ELMO3: variants seen among roughly 807,000 people sequenced by gnomAD.
ELMO3 encodes the protein engulfment and cell motility 3.
ELMO3 carries 81 observed loss-of-function variants against 89.0 expected under a neutral mutation model. That is an observed-to-expected ratio of 0.91 (90% CI 0.76 to 1.09). ELMO3 has a LOEUF of 1.09. Among genes scored for constraint, ELMO3 ranks in the 50% least tolerant of loss-of-function variants. The probability of loss-of-function intolerance (pLI) is 0.00; values close to 1 mark genes in which losing one functional copy is unlikely to be tolerated. For synonymous variants in ELMO3, 406 were observed against 400.6 expected, an observed-to-expected ratio of 1.01 and a Z score of -0.16; for missense variants, 959 against 972.8, an observed-to-expected ratio of 0.99 and a Z score of 0.19.
Position 67,200,708 on chromosome 16 carries a change from G to T in ELMO3, c.565G>T (p.Ala189Ser), listed in dbSNP as rs749487251. ...CATGGATGCCTCCGTGCCTCCCCTG[G>T]CCCTTGGGCTGCTGGAGAGTGTGAC... Reference protein sequence around the residue: ...NLMDASVPPLALGLLESVTLS... With the variant: ...NLMDASVPPLSLGLLESVTLS... Residue 189 changes from alanine to serine, a missense_variant, in exon 7 of 20, where the codon GCC becomes TCC. Transcript: ENST00000393997. 6.2e-7 allele frequency: 1 copy of T among 1,613,488 alleles called. No individual in the cohort carries two copies. Among genetic ancestry groups the T allele is most frequent in the South Asian group, 1.1e-5 (1 of 91,084 alleles).
rs770450376 is a variant in ELMO3 at position 67,201,749 on chromosome 16, G to T, written c.926G>T (p.Arg309Leu). The change falls in exon 11 of 20, where the codon CGG (arginine) becomes CTG (leucine). Residue 309 changes from arginine (R) to leucine (L), a missense_variant. Transcript: ENST00000393997. ...TPLDPYSQEQREQLQVLRQAA... is the reference protein window; with the variant it reads ...TPLDPYSQEQLEQLQVLRQAA... ...ACCCAACACTGACCCCAGGAGCAGCGGGAGCAGCTGCAGGTCCTACGCCAG... is the reference window on the plus strand; with the variant it reads ...ACCCAACACTGACCCCAGGAGCAGCTGGAGCAGCTGCAGGTCCTACGCCAG... 18 of 1,610,236 alleles carry T rather than the reference G, an allele frequency of 1.1e-5. No individual in the cohort carries two copies. In the Admixed American group the frequency reaches 3.0e-4, roughly 27 times the overall value.
rs747562363 is a variant in ELMO3 at position 67,199,587 on chromosome 16, G to A, written c.113G>A (p.Cys38Tyr). Residue 38 changes from cysteine to tyrosine, a missense_variant, in exon 2 of 20, where the codon TGC (cysteine) becomes TAC (tyrosine). By Grantham distance (194) the Cys-to-Tyr change is radical. Coordinates refer to ENST00000393997, the MANE Select transcript of ELMO3 (RefSeq NM_024712.5). Reference sequence around the variant, plus strand: ...CTGGCCGCTGTGCTGAAGGAGGTGTGCGACGCGTGAGTGCTGCCGGGCCAG... The same window carrying A: ...CTGGCCGCTGTGCTGAAGGAGGTGTACGACGCGTGAGTGCTGCCGGGCCAG... The part of the protein sequence containing the change: ...KPLAAVLKEV[C>Y]DAWSLTHSER... The A allele has an allele frequency of 6.9e-5, 111 of 1,609,420 alleles. No homozygotes were observed. The highest frequency in any genetic ancestry group is 8.5e-5 in the Non-Finnish European group (100 of 1,179,368).
chr16:67,199,619 C>T, intron 2 of ELMO3, 26 bp downstream of exon 2: 2 of 1,608,264 alleles, frequency 1.2e-6, no homozygotes, highest in Non-Finnish European at 8.5e-7. Flanking sequence ...CCAGGGCCTG[C>T]GGAGGGCGGG....
At chr16:67,200,391 G>A in intron 5 of ELMO3, 30 bp downstream of exon 5, 1 of 1,612,214 alleles carries the variant, frequency 6.2e-7, no homozygotes, top group Non-Finnish European at 8.5e-7. Flanking sequence ...GGCTGGGGGA[G>A]ATGGTGGGTC....
rs746727284 is a variant in ELMO3, at chr16:67,203,607, CGGCAGGTGGGCAGGGGA to C, written c.1950+30_1951-36del. ...AGGTGAGTGTCCGCCAGGCTGAGGT[CGGCAGGTGGGCAGGGGA>C]GGCAGATGGGCAGACCCTCACGGCT... On this transcript the variant is annotated intron_variant, in intron 19 of 19. Coordinates refer to ENST00000393997, the MANE Select transcript of ELMO3 (RefSeq NM_024712.5). This position sits in a 1 kb window ranked among gnomAD's most constrained non-coding sequence, Gnocchi z 4.6. The C allele has an allele frequency of 6.2e-7, 1 of 1,613,948 alleles. No homozygotes were observed. The highest frequency in any genetic ancestry group is 8.5e-7 in the Non-Finnish European group (1 of 1,179,968).
Position 67,199,980 on chromosome 16 carries a change from C to CCTGT in ELMO3, c.223_226dup (p.Cys76SerfsTer10). On this transcript the variant is annotated frameshift_variant, in exon 4 of 20. Transcript: ENST00000393997. LOFTEE classifies it high-confidence loss of function. The stretch of plus-strand genomic sequence containing the variant: ...GCGCGGAGATCAAGAATGGCAGCAT[C>CCTGT]CTGTGCCTCAGCACGGCCCCAGTAA... 3.1e-6 allele frequency: 5 copies of CCTGT among 1,613,772 alleles called. No homozygotes were observed. Among genetic ancestry groups the CCTGT allele is most frequent in the Non-Finnish European group, 2.5e-6 (3 of 1,180,046 alleles).
At position 67,201,454 on chromosome 16, in the gene ELMO3, G is replaced by T. The variant is rs746179145; in HGVS notation, c.795+19G>T. Reference sequence around the variant, plus strand: ...CTATAAGGTAGGAAGTGGTGGGCCAGGGGGACCTCTCTGCCCCTCCCTCCC... The same window carrying T: ...CTATAAGGTAGGAAGTGGTGGGCCATGGGGACCTCTCTGCCCCTCCCTCCC... On this transcript the variant is annotated intron_variant, in intron 9 of 19. Coordinates refer to ENST00000393997, the MANE Select transcript of ELMO3 (RefSeq NM_024712.5). 3 of 1,614,006 alleles carry T rather than the reference G, an allele frequency of 1.9e-6. No individual in the cohort carries two copies. In the Admixed American group the frequency reaches 5.0e-5, roughly 27 times the overall value.
At position 67,202,801 on chromosome 16, in the gene ELMO3, G is replaced by C. The variant is rs1372630954; in HGVS notation, c.1562+11G>C. Reference sequence around the variant, plus strand: ...GGCTCCCCCTATACTGTGAGTCTGGGGGGATGGATCCTCAGTCCTAGCCCT... The same window carrying C: ...GGCTCCCCCTATACTGTGAGTCTGGCGGGATGGATCCTCAGTCCTAGCCCT... On this transcript the variant is annotated intron_variant, in intron 15 of 19. Transcript: ENST00000393997. 1.2e-6 allele frequency: 2 copies of C among 1,612,700 alleles called. No homozygotes were observed. Among genetic ancestry groups the C allele is most frequent in the African/African-American group, 2.7e-5 (2 of 74,904 alleles).
At chr16:67,202,864 G>C (rs772477571) in intron 15 of ELMO3, 28 bp from the exon 16 acceptor site, 27 of 1,613,090 alleles carry the variant, frequency 1.7e-5, no homozygotes, top group Middle Eastern at 1.6e-4. Flanking sequence ...CCCCAGGTCA[G>C]ATGTGCTCAG....
Position 67,203,794 on chromosome 16 carries a change from C to G in ELMO3, c.2080C>G (p.Pro694Ala). The G allele has an allele frequency of 7.4e-6, 12 of 1,612,452 alleles. No individual in the cohort carries two copies. Among genetic ancestry groups the G allele is most frequent in the Non-Finnish European group, 9.3e-6 (11 of 1,179,740 alleles). ...KLRLLELENV[P>A]IPERPPPVPP... The stretch of plus-strand genomic sequence containing the variant: ...GCGTCTGCTGGAGCTGGAGAACGTG[C>G]CCATCCCCGAGCGGCCACCCCCTGT... Residue 694 changes from proline (P) to alanine (A), a missense_variant, in exon 20 of 20, where the codon CCC (proline) becomes GCC (alanine). Pro to Ala is a conservative substitution (Grantham distance 27). Coordinates refer to ENST00000393997, the MANE Select transcript of ELMO3 (RefSeq NM_024712.5). This position sits in a 1 kb window ranked among gnomAD's most constrained non-coding sequence, Gnocchi z 4.6.
chr16:67,199,215 AG>A lies in ELMO3; in HGVS notation c.-110del, dbSNP rs1454882163. Reference sequence around the variant, plus strand: ...GCCGCGAGTGCGGGACACCGAGGTCAGGTCTCGGAAAGGGAGGACCTCCTCG... The same window carrying A: ...GCCGCGAGTGCGGGACACCGAGGTCAGTCTCGGAAAGGGAGGACCTCCTCG... On this transcript the variant is annotated 5_prime_UTR_variant, in exon 1 of 20. Transcript: ENST00000393997. 4.3e-6 allele frequency: 7 copies of A among 1,611,172 alleles called. No individual in the cohort carries two copies. The highest frequency in any genetic ancestry group is 1.3e-5 in the African/African-American group (1 of 74,898).
At position 67,203,295 on chromosome 16, in the gene ELMO3, C is replaced by T. The variant is rs1014324138; in HGVS notation, c.1781-32C>T. 1.9e-6 allele frequency: 3 copies of T among 1,589,354 alleles called. No homozygotes were observed. Among genetic ancestry groups the T allele is most frequent in the Non-Finnish European group, 2.6e-6 (3 of 1,171,644 alleles). The stretch of plus-strand genomic sequence containing the variant: ...GCCCTGGGCCCCGGGGCTGCCAGGG[C>T]TGCAGTGCTCAGCCCAGCCTTCTTC... On this transcript the variant is annotated intron_variant, in intron 17 of 19. Coordinates refer to ENST00000393997, the MANE Select transcript of ELMO3 (RefSeq NM_024712.5). The surrounding 1 kb of genome is among the most constrained non-coding windows in gnomAD (Gnocchi z 4.6).
chr16:67,202,267 T>C lies in ELMO3; in HGVS notation c.1244T>C (p.Leu415Pro). 1 of 1,607,952 alleles carries C rather than the reference T, an allele frequency of 6.2e-7. No homozygotes were observed. ...IQLTVLLCEL[L>P]RVGEPCSETA... ...CTGACGGTGCTGCTGTGTGAGCTGC[T>C]CCGTGTTGGGGAGCCCTGTGAGTGG... is the stretch of plus-strand genomic sequence containing the variant. Residue 415 changes from leucine to proline, a missense_variant, in exon 13 of 20, where the codon CTC becomes CCC. Physicochemically the swap from Leu to Pro is moderately conservative, Grantham distance 98 (BLOSUM62 -3). Transcript: ENST00000393997.
Position 67,203,867 on chromosome 16 carries a change from C to A in ELMO3, c.2153C>A (p.Ala718Asp). Residue 718 changes from alanine to aspartate, a missense_variant, in exon 20 of 20, where the codon GCT (alanine) becomes GAT (aspartate). Transcript: ENST00000393997. The surrounding 1 kb of genome is among the most constrained non-coding windows in gnomAD (Gnocchi z 4.6). ...AACTTCTGCTATGACTGCAGCATCG[C>A]TGAACCTTGACAGTGTGGCTGGCCA... Reference protein sequence around the residue: ...NFNFCYDCSIAEP With the variant: ...NFNFCYDCSIDEP 1.3e-6 allele frequency: 2 copies of A among 1,578,884 alleles called. No individual in the cohort carries two copies. The highest frequency in any genetic ancestry group is 1.7e-6 in the Non-Finnish European group (2 of 1,161,786).
chr16:67,202,764 G>A lies in ELMO3; in HGVS notation c.1536G>A (p.Gln512=). 6.2e-7 allele frequency: 1 copy of A among 1,613,574 alleles called. No individual in the cohort carries two copies. Among genetic ancestry groups the A allele is most frequent in the Non-Finnish European group, 8.5e-7 (1 of 1,179,984 alleles). The change falls in exon 15 of 20, where the codon CAG becomes CAA. Residue 512 remains glutamine (Q), a synonymous_variant. Transcript: ENST00000393997. ...TGCGGCAGACTGAACGGCTGCACCA[G>A]GAGGGCACACTGGCTCCCCCTATAC... ...LRLRQTERLH[Q]EGTLAPPILE... is the part of the protein sequence containing the mutation.
Position 67,201,415 on chromosome 16 carries a change from C to A in ELMO3, c.775C>A (p.Leu259Ile), listed in dbSNP as rs1300119622. Residue 259 changes from leucine to isoleucine, a missense_variant, in exon 9 of 20, where the codon CTT (leucine) becomes ATT (isoleucine). Coordinates refer to ENST00000393997, the MANE Select transcript of ELMO3 (RefSeq NM_024712.5). ...GCTTGACTATCTTTGGCAGAGGAAC[C>A]TTCGCCAGTTCATCTATAAGGTAGG... ...HMLDYLWQRN[L>I]RQFIYKNIIH... 10 of 1,613,880 alleles carry A rather than the reference C, an allele frequency of 6.2e-6. No individual in the cohort carries two copies. Among genetic ancestry groups the A allele is most frequent in the Non-Finnish European group, 7.6e-6 (9 of 1,180,012 alleles).
At position 67,200,780 on chromosome 16, in the gene ELMO3, C is replaced by T. The variant is rs1333753473; in HGVS notation, c.637C>T (p.Leu213=). 7 of 1,613,314 alleles carry T rather than the reference C, an allele frequency of 4.3e-6. No homozygotes were observed. The highest frequency in any genetic ancestry group is 5.9e-6 in the Non-Finnish European group (7 of 1,179,814). The change falls in exon 7 of 20, where the codon CTG becomes TTG. Residue 213 remains leucine (L), a synonymous_variant. Transcript: ENST00000393997. The part of the protein sequence containing the change: ...LGQLVKSEVP[L]DRLLVHLQVM... ...CCAGCTGGTCAAGAGCGAGGTGCCCCTGGATAGGCTGCTGGTGCACCTACA... is the reference window on the plus strand; with the variant it reads ...CCAGCTGGTCAAGAGCGAGGTGCCCTTGGATAGGCTGCTGGTGCACCTACA...
At position 67,202,800 on chromosome 16, in the gene ELMO3, G is replaced by C. The variant is rs1298793188; in HGVS notation, c.1562+10G>C. 11 of 1,612,706 alleles carry C rather than the reference G, an allele frequency of 6.8e-6. No homozygotes were observed. Among genetic ancestry groups the C allele is most frequent in the Non-Finnish European group, 9.3e-6 (11 of 1,179,514 alleles). The stretch of plus-strand genomic sequence containing the variant: ...TGGCTCCCCCTATACTGTGAGTCTG[G>C]GGGGATGGATCCTCAGTCCTAGCCC... On this transcript the variant is annotated intron_variant, in intron 15 of 19. Transcript: ENST00000393997.
At chr16:67,199,524 G>A (rs1373976909) in intron 1 of ELMO3, 29 bp from the exon 2 acceptor site, 5 of 1,325,542 alleles carry the variant, frequency 3.8e-6, no homozygotes, top group Non-Finnish European at 5.0e-6. Flanking sequence ...TCCCTGCCCA[G>A]GCCGCGAGAA....
Sources: gnomAD v4.1 joint callset for allele counts on GRCh38, gnomAD v4.1.1 for gene constraint, Gnocchi (gnomAD v3.1) non-coding constraint, MANE v1.5 for transcripts, NCBI Gene and HGNC (gene_info 2026-07-23, HGNC 2026-07-21) for gene names.